Variants in ADGRD2 observed in about 807,000 individuals in gnomAD.
ADGRD2 encodes the protein adhesion G protein-coupled receptor D2, also known as G protein-coupled receptor PGR24.
In ADGRD2, 71 loss-of-function variants were observed where a neutral mutation model predicts 44.4. The observed-to-expected ratio is 1.60, with a 90% confidence interval of 1.32 to 1.95. ADGRD2 has a LOEUF of 1.95. Among genes scored for constraint, ADGRD2 ranks in the 30% most tolerant of loss-of-function variants. ADGRD2 has a pLI of 0.00. For missense variants in ADGRD2, 1,039 were observed against 512.4 expected (o/e 2.03, Z -9.92); for synonymous variants, 481 against 224.8 (o/e 2.14, Z -10.19).
chr9:124,455,280 G>A (rs148014061), intron 6 of ADGRD2, among the ~76,000 whole-genome samples, 153 bp downstream of exon 9: 181 of 152,324 alleles, frequency 1.2e-3, no homozygotes, highest in African/African-American at 4.0e-3. Context: ...TATTTGATAA[G>A]TTGAACTTCC....
chr9:124,475,356 C>G (rs1832024519), intron 17 of ADGRD2, 90 bp from the exon 21 acceptor site: 2 of 659,016 alleles, frequency 3.0e-6, no homozygotes, highest in East Asian at 5.6e-5. Context: ...GTCTCTGCCA[C>G]TGGGAGGCGC....
intron 7 of ADGRD2, 36 bp from the exon 11 acceptor site, chr9:124,457,436 T>C: frequency 5.4e-6 from 3 of 558,148 alleles, no homozygotes; most frequent in South Asian, 4.7e-5. Flanking sequence ...AAGACCTCAC[T>C]CCGAGGTCCA....
chr9:124,466,285 A>T, exon 11 of ADGRD2: 1 of 707,598 alleles, frequency 1.4e-6, no homozygotes, highest in Non-Finnish European at 2.6e-6. Context: ...CCATCCCCCA[A>T]GCCCATATAC....
At chr9:124,459,827 CTT>C (rs1831694120) in intron 10 of ADGRD2, among the ~76,000 whole-genome samples, 1 of 145,094 alleles carries the variant, frequency 6.9e-6, no homozygotes, top group Admixed American at 6.9e-5. Context: ...ATATAAAAAA[CTT>C]GAGCCTCAGC....
chr9:124,453,192 C>G (rs868781107), exon 3 of ADGRD2: 42 of 679,402 alleles, frequency 6.2e-5, no homozygotes, highest in Middle Eastern at 3.3e-4. Flanking sequence ...TCTCCGTTGC[C>G]GCGCCCGCGC....
At chr9:124,460,074 C>T (rs997767124) in intron 10 of ADGRD2, among the ~76,000 whole-genome samples, 2 of 121,868 alleles carry the variant, frequency 1.6e-5, no homozygotes, top group African/African-American at 7.5e-5. Context: ...TGCTCACAAC[C>T]AGTAATCTTG....
chr9:124,453,761 CA>C, intron 3 of ADGRD2, 85 bp downstream of exon 6: 5 of 640,610 alleles, frequency 7.8e-6, no homozygotes, highest in Non-Finnish European at 1.4e-5. Context: ...CCTTGCCAAC[CA>C]AGCCACGCCT....
chr9:124,452,292 C>G, intron 1 of ADGRD2, 138 bp downstream of exon 4: 2 of 633,866 alleles, frequency 3.2e-6, no homozygotes, highest in South Asian at 3.8e-5. Context: ...CCAGGCCCTG[C>G]GAGGAACGCT....
At chr9:124,477,794 C>T (rs1453850697) in intron 21 of ADGRD2, among the ~76,000 whole-genome samples, 1 of 151,824 alleles carries the variant, frequency 6.6e-6, no homozygotes, top group Non-Finnish European at 1.5e-5. Context: ...GGGGCCAGCG[C>T]CCCTCCCCCA....
At chr9:124,458,922 A>G (rs940525812) in intron 10 of ADGRD2, among the ~76,000 whole-genome samples, 2 of 152,208 alleles carry the variant, frequency 1.3e-5, no homozygotes, top group African/African-American at 4.8e-5. Flanking sequence ...GGTGCCACAG[A>G]TACGCAGCCT....
intron 6 of ADGRD2, among the ~76,000 whole-genome samples, chr9:124,455,388 C>T (rs1360731440): frequency 2.0e-5 from 3 of 152,082 alleles, no homozygotes; most frequent in African/African-American, 4.8e-5. Flanking sequence ...GTCAGGAGTT[C>T]GAGACTAGCC....
chr9:124,468,095 A>C, exon 13 of ADGRD2: 1 of 718,500 alleles, frequency 1.4e-6, no homozygotes, highest in Non-Finnish European at 2.6e-6. Flanking sequence ...CAGGGTCCCC[A>C]AGTCAGAGCG....
At chr9:124,469,546 T>C (rs1165161303) in exon 16 of ADGRD2, 4 of 717,676 alleles carry the variant, frequency 5.6e-6, no homozygotes, top group Admixed American at 2.0e-5. Context: ...GACCCAGATA[T>C]GGTGAGGCCC....
At chr9:124,473,532 CCCA>C (rs1831990350) in intron 17 of ADGRD2, among the ~76,000 whole-genome samples, 1 of 152,220 alleles carries the variant, frequency 6.6e-6, no homozygotes, top group Non-Finnish European at 1.5e-5. Context: ...TGCTAGGAGC[CCCA>C]CGAGTGTGAG....
At position 124,454,509 on chromosome 9, in the gene ADGRD2, C is replaced by G; in HGVS notation, c.1050C>G (p.Ala350=). The G allele has an allele frequency of 1.4e-6, 1 of 716,250 alleles. No individual in the cohort carries two copies. Among genetic ancestry groups the G allele is most frequent in the Non-Finnish European group, 2.6e-6 (1 of 383,380 alleles). 44.4% of individuals were successfully genotyped at this position (716,250 alleles called of 1,614,324 possible). ...AGCCCTATCGTCGGCTGCAGGATGC[C>G]CAGTCGTGGCCTGGCCAGGATGTTA... The change falls in exon 5 of 22, where the codon GCC becomes GCG. Residue 350 remains alanine, a synonymous_variant. Coordinates refer to ENST00000334810, the Ensembl canonical transcript of ADGRD2. This position sits in a 1 kb window ranked among gnomAD's most constrained non-coding sequence, Gnocchi z 4.5.
intron 6 of ADGRD2, 144 bp downstream of exon 9, chr9:124,455,271 A>G: frequency 1.8e-6 from 1 of 569,784 alleles, no homozygotes; most frequent in East Asian, 2.8e-5. Flanking sequence ...TCTTTTGTCT[A>G]TTTGATAAGT....
chr9:124,476,796 C>A, intron 21 of ADGRD2, 87 bp downstream of exon 24: 1 of 670,640 alleles, frequency 1.5e-6, no homozygotes. Flanking sequence ...GAAGTGATTT[C>A]AAATTAATAC....
chr9:124,471,603 G>T (rs1367437272), intron 17 of ADGRD2, among the ~76,000 whole-genome samples: 1 of 152,216 alleles, frequency 6.6e-6, no homozygotes, highest in Non-Finnish European at 1.5e-5. Flanking sequence ...GGCCCCCCAG[G>T]AGGCAGCAGC....
chr9:124,473,326 A>C (rs1291608122), intron 17 of ADGRD2, among the ~76,000 whole-genome samples: 1 of 152,164 alleles, frequency 6.6e-6, no homozygotes, highest in African/African-American at 2.4e-5. Flanking sequence ...GGGAGAGCAA[A>C]GCCTCACTTC....
Sources: allele counts gnomAD v4.1 joint callset (sites outside exome capture counted in the v4.1 genomes callset), GRCh38; gene constraint gnomAD v4.1.1; non-coding constraint Gnocchi (gnomAD v3.1); transcripts MANE v1.5; gene names NCBI Gene and HGNC (gene_info 2026-07-23, HGNC 2026-07-21).